KMT2C: variants seen among roughly 807,000 people sequenced by gnomAD.
KMT2C encodes the protein lysine methyltransferase 2C.
A neutral mutation model predicts 507.9 loss-of-function variants in KMT2C; 88 were observed. The ratio of observed to expected loss-of-function variants is 0.17; its 90% CI spans 0.15 to 0.21. The LOEUF (loss-of-function observed/expected upper bound fraction) is 0.21, where lower values mean the gene tolerates loss of function less well. Among genes scored for constraint, KMT2C ranks in the 10% least tolerant of loss-of-function variants. The pLI is 1.00. For missense variants in KMT2C, 4,954 were observed against 5,957.8 expected, an observed-to-expected ratio of 0.83 and a Z score of 5.55; for synonymous variants, 2,049 against 2,080.8, an observed-to-expected ratio of 0.98 and a Z score of 0.42.
rs1485692573 is a variant in KMT2C, at chr7:152,205,557, A to G, written c.3842-332T>C. The stretch of plus-strand genomic sequence containing the variant: ...CAAATATTAGTGCCTCATACATCAC[A>G]TAACAGTCATGCACTGCATAATGAT... On this transcript the variant is annotated intron_variant, in intron 24 of 58. Transcript: ENST00000262189. Among the ~76,000 whole-genome samples the G allele has an allele frequency of 6.6e-5, 10 of 152,204 alleles. No homozygotes were observed. The East Asian group carries it at 7.7e-4, about 12-fold the overall frequency.
chr7:152,244,001 T>C (rs1445300552), intron 14 of KMT2C, among the ~76,000 whole-genome samples: 1 of 152,180 alleles, frequency 6.6e-6, no homozygotes, highest in Non-Finnish European at 1.5e-5. Context: ...CTAAGATTAT[T>C]ATCTCAGAAT....
chr7:152,288,229 TAA>T (rs36047379), intron 6 of KMT2C, among the ~76,000 whole-genome samples: 4,040 of 121,058 alleles, frequency 0.033, 219 homozygotes, highest in African/African-American at 0.11. Flanking sequence ...TGAACTGATT[TAA>T]AAAAAAAAAA....
chr7:152,151,479 A>G lies in KMT2C; in HGVS notation c.12629T>C (p.Val4210Ala). Residue 4210 changes from valine to alanine, a missense_variant, in exon 50 of 59, where the codon GTG (valine) becomes GCG (alanine). Val to Ala is a moderately conservative substitution (Grantham distance 64). Coordinates refer to ENST00000262189, the MANE Select transcript of KMT2C (RefSeq NM_170606.3). ...GGTCAGATCTTTGAAAGATTTCCGCACACCACTTCCAAGAATAACCACTTT... is the reference window on the plus strand; with the variant it reads ...GGTCAGATCTTTGAAAGATTTCCGCGCACCACTTCCAAGAATAACCACTTT... Reference protein sequence around the residue: ...HCKVVILGSGVRKSFKDLTLL... With the variant: ...HCKVVILGSGARKSFKDLTLL... 1 of 1,614,170 alleles carries G rather than the reference A, an allele frequency of 6.2e-7. No individual in the cohort carries two copies. The highest frequency in any genetic ancestry group is 8.5e-7 in the Non-Finnish European group (1 of 1,180,006).
intron 8 of KMT2C, 96 bp from the exon 9 acceptor site, chr7:152,263,226 G>T: frequency 1.0e-6 from 1 of 978,070 alleles, no homozygotes; most frequent in Admixed American, 2.4e-5. Context: ...GAACTGCACA[G>T]TTCATAAATA....
At chr7:152,166,268 C>T (rs963907683) in intron 42 of KMT2C, among the ~76,000 whole-genome samples, 1 of 151,924 alleles carries the variant, frequency 6.6e-6, no homozygotes, top group Non-Finnish European at 1.5e-5. Flanking sequence ...ATTACAGGCA[C>T]ACACCACCAT....
At position 152,159,005 on chromosome 7, in the gene KMT2C, C is replaced by G. The variant is rs201952980; in HGVS notation, c.11528G>C (p.Gly3843Ala). The G allele has an allele frequency of 1.9e-4, 305 of 1,614,086 alleles. No homozygotes were observed. The highest frequency in any genetic ancestry group is 4.0e-4 in the Admixed American group (24 of 60,008). ...CGNQLPKTDG[G>A]SETKKQRSKR... ...GCTTCGCTGTTTCTTGGTTTCACTT[C>G]CTCCATCTGTTTTTGGCAACTGGTT... Residue 3843 changes from glycine to alanine, a missense_variant, in exon 44 of 59, where the codon GGA becomes GCA. Gly to Ala is a moderately conservative substitution (Grantham distance 60, BLOSUM62 0). Transcript: ENST00000262189.
In KMT2C at chr7:152,182,318, C is replaced by T. The variant is rs1310269397; in HGVS notation, c.5542G>A (p.Val1848Ile). The change falls in exon 36 of 59, where the codon GTA becomes ATA. Residue 1848 changes from valine to isoleucine, a missense_variant. By Grantham distance (29) the Val-to-Ile change is conservative. Transcript: ENST00000262189. ...GGAGGAGGTGGAGCTTGTGGCTTTA[C>T]AAACACATCATCTGAAGATGTAGAC... ...PTSTSSDDVF[V>I]KPQAPPPPPA... 8 of 1,614,088 alleles carry T rather than the reference C, an allele frequency of 5.0e-6. No individual in the cohort carries two copies. The highest frequency in any genetic ancestry group is 6.8e-6 in the Non-Finnish European group (8 of 1,180,000).
intron 43 of KMT2C, among the ~76,000 whole-genome samples, chr7:152,161,681 A>G (rs1420001548): frequency 2.0e-5 from 3 of 152,248 alleles, no homozygotes; most frequent in Non-Finnish European, 2.9e-5. Flanking sequence ...CACTGTAACC[A>G]CACAATAGCT....
intron 20 of KMT2C, among the ~76,000 whole-genome samples, 177 bp downstream of exon 20, chr7:152,223,838 G>A (rs1402019669): frequency 2.0e-5 from 3 of 151,984 alleles, no homozygotes; most frequent in African/African-American, 4.8e-5. Flanking sequence ...TTAGTCCGGA[G>A]TTGAGAATTC....
chr7:152,194,075 T>A lies in KMT2C; in HGVS notation c.4594A>T (p.Asn1532Tyr). Residue 1532 changes from asparagine (N) to tyrosine (Y), a missense_variant, in exon 31 of 59, where the codon AAC (asparagine) becomes TAC (tyrosine). Around this residue, in one of 29 missense-constraint regions of KMT2C, gnomAD observed 195 missense variants for 183.7 expected, o/e 1.06. Transcript: ENST00000262189. ...TGTGGCAATGGAGTTGGCTGAGTGT[T>A]CGCAGGACTAAGTACAGCTGTAAAT... The part of the protein sequence containing the change: ...DLFTAVLSPA[N>Y]TQPTPLPQPP... 6.3e-7 allele frequency: 1 copy of A among 1,595,374 alleles called. No homozygotes were observed. The highest frequency in any genetic ancestry group is 8.5e-7 in the Non-Finnish European group (1 of 1,174,128).
chr7:152,279,652 G>A (rs1483703052), intron 6 of KMT2C, among the ~76,000 whole-genome samples: 1 of 152,036 alleles, frequency 6.6e-6, no homozygotes, highest in African/African-American at 2.4e-5. Flanking sequence ...CATTCTAGTT[G>A]GCATACTATT....
At chr7:152,397,082 G>A (rs1446055055) in intron 1 of KMT2C, among the ~76,000 whole-genome samples, 1 of 152,114 alleles carries the variant, frequency 6.6e-6, no homozygotes. Flanking sequence ...CTAAGTAAAT[G>A]ACATTTCTGT....
Position 152,177,827 on chromosome 7 carries a change from T to C in KMT2C, c.7626A>G (p.Ser2542=), listed in dbSNP as rs374193832. The C allele has an allele frequency of 1.2e-6, 2 of 1,613,664 alleles. No homozygotes were observed. The highest frequency in any genetic ancestry group is 1.7e-6 in the Non-Finnish European group (2 of 1,179,932). Residue 2542 remains serine (S), a synonymous_variant, in exon 38 of 59, where the codon TCA becomes TCG. Coordinates refer to ENST00000262189, the MANE Select transcript of KMT2C (RefSeq NM_170606.3). ...NNPVGLPQHF[S]PQSLPVQQHN... is the part of the protein sequence containing the mutation. ...GCTGCTGAACTGGCAAGCTCTGTGG[T>C]GAAAAATGCTGAGGAAGTCCAACTG...
At chr7:152,176,141 C>T (rs1217609459) in intron 38 of KMT2C, 50 bp downstream of exon 38, 3 of 1,465,630 alleles carry the variant, frequency 2.0e-6, no homozygotes, top group South Asian at 2.8e-5. Flanking sequence ...ATATCGCATG[C>T]CACTCTAATA....
At chr7:152,341,832 CA>C (rs997393009) in intron 2 of KMT2C, among the ~76,000 whole-genome samples, 1 of 152,072 alleles carries the variant, frequency 6.6e-6, no homozygotes, top group African/African-American at 2.4e-5. Context: ...TTCTTTGTGC[CA>C]AATGTCACCA....
intron 41 of KMT2C, among the ~76,000 whole-genome samples, chr7:152,168,985 A>G (rs949247375): frequency 5.3e-5 from 8 of 152,208 alleles, no homozygotes; most frequent in South Asian, 2.1e-4. Context: ...TGTAACTATA[A>G]TTCTTCATGC....
rs113963520 is a variant in KMT2C, at chr7:152,177,396, T to C, written c.8057A>G (p.Glu2686Gly). 6.2e-7 allele frequency: 1 copy of C among 1,614,224 alleles called. No homozygotes were observed. The highest frequency in any genetic ancestry group is 8.5e-7 in the Non-Finnish European group (1 of 1,180,050). Reference protein sequence around the residue: ...QITTQPSDGLEEKLDSDDPSV... With the variant: ...QITTQPSDGLGEKLDSDDPSV... ...AGGGTCATCAGAATCAAGTTTTTCC[T>C]CTAGACCATCAGAAGGCTGGGTGGT... The change falls in exon 38 of 59, where the codon GAG becomes GGG. Residue 2686 changes from glutamate to glycine, a missense_variant. Glu to Gly is a moderately conservative substitution (Grantham distance 98). Transcript: ENST00000262189.
chr7:152,141,364 G>A (rs770153327), intron 55 of KMT2C, among the ~76,000 whole-genome samples: 5 of 151,872 alleles, frequency 3.3e-5, no homozygotes, highest in South Asian at 2.1e-4. Context: ...AAAATCTAAC[G>A]TACAGTAGTA....
chr7:152,322,681 A>G (rs1407638511), intron 3 of KMT2C, among the ~76,000 whole-genome samples: 1 of 152,044 alleles, frequency 6.6e-6, no homozygotes, highest in African/African-American at 2.4e-5. Context: ...CATAGGCAAC[A>G]AAAGCAGTAA....
Sources: allele counts gnomAD v4.1 joint callset (sites outside exome capture counted in the v4.1 genomes callset), GRCh38; gene constraint gnomAD v4.1.1; regional missense constraint gnomAD v4.1.1; transcripts MANE v1.5; gene names NCBI Gene and HGNC (gene_info 2026-07-23, HGNC 2026-07-21).